The following PRKD1 variants were observed in gnomAD, a reference collection of about 807,000 sequenced individuals.
PRKD1 encodes serine/threonine-protein kinase D1.
In PRKD1, 63 loss-of-function variants were observed where a neutral mutation model predicts 95.9. That is an observed-to-expected ratio of 0.66 (90% CI 0.54 to 0.81). PRKD1 has a LOEUF of 0.81. Ranked by LOEUF, PRKD1 falls within the 30% of genes least tolerant of loss-of-function variation. PRKD1 has a pLI of 0.00. For missense variants in PRKD1, 1,048 were observed against 1,165.3 expected (o/e 0.90, Z 1.47); for synonymous variants, 425 against 423.1 (o/e 1.00, Z -0.05).
chr14:29,775,910 G>A (rs899800348), intron 1 of PRKD1, among the ~76,000 whole-genome samples: 1 of 152,238 alleles, frequency 6.6e-6, no homozygotes, highest in East Asian at 1.9e-4. Context: ...GGGGCCGACT[G>A]ACACCTCACA....
chr14:29,828,168 T>A (rs1235934135), intron 1 of PRKD1, among the ~76,000 whole-genome samples: 1 of 152,132 alleles, frequency 6.6e-6, no homozygotes, highest in South Asian at 2.1e-4. Context: ...CTTGAGTAAT[T>A]TATAAAGAAA....
At chr14:29,882,842 G>C (rs1422343502) in intron 1 of PRKD1, among the ~76,000 whole-genome samples, 1 of 148,602 alleles carries the variant, frequency 6.7e-6, no homozygotes, top group Admixed American at 6.7e-5. Flanking sequence ...TCTTTTTTAA[G>C]GTTGAACAAT....
At chr14:29,852,003 T>C (rs902423547) in intron 1 of PRKD1, among the ~76,000 whole-genome samples, 7 of 152,162 alleles carry the variant, frequency 4.6e-5, no homozygotes, top group Admixed American at 4.6e-4. Flanking sequence ...TACTTCATGT[T>C]CTCACTTACA....
At chr14:29,585,157 T>A (rs1001974988) in intron 16 of PRKD1, among the ~76,000 whole-genome samples, 1 of 152,090 alleles carries the variant, frequency 6.6e-6, no homozygotes, top group Non-Finnish European at 1.5e-5. Flanking sequence ...TGGGAAGTTG[T>A]GTGTTTATTT....
At chr14:29,697,571 T>C (rs1884596418) in intron 2 of PRKD1, among the ~76,000 whole-genome samples, 2 of 152,230 alleles carry the variant, frequency 1.3e-5, no homozygotes, top group South Asian at 4.1e-4. Flanking sequence ...GTTAACCCAT[T>C]GCAAACATCT....
rs541614941 is a variant in PRKD1 at position 29,673,368 on chromosome 14, C to T, written c.404-7160G>A. ...CCAGCCATTTCTAAGAATGCGTCAC[C>T]GTCTTTCACGTCAATCCCTCCTTCT... On this transcript the variant is annotated intron_variant, in intron 2 of 17. Transcript: ENST00000331968. 3.1e-4 allele frequency among the ~76,000 whole-genome samples: 47 copies of T among 152,298 alleles called. No homozygotes were observed. The East Asian group carries it at 7.3e-3, about 24-fold the overall frequency.
Position 29,671,098 on chromosome 14 carries a change from G to T in PRKD1, c.404-4890C>A, listed in dbSNP as rs927460782. Reference sequence around the variant, plus strand: ...AGAGAAAAAAAAATGTATTTAGATAGGTTGACTAGGCAGCTCAGAAGTTTC... The same window carrying T: ...AGAGAAAAAAAAATGTATTTAGATATGTTGACTAGGCAGCTCAGAAGTTTC... On this transcript the variant is annotated intron_variant, in intron 2 of 17. Coordinates refer to ENST00000331968, the MANE Select transcript of PRKD1 (RefSeq NM_002742.3). Among the ~76,000 whole-genome samples the T allele has an allele frequency of 8.5e-5, 13 of 152,196 alleles. No homozygotes were observed. In the East Asian group the frequency reaches 2.3e-3, roughly 27 times the overall value.
intron 2 of PRKD1, among the ~76,000 whole-genome samples, chr14:29,718,799 G>A (rs1885746558): frequency 6.6e-6 from 1 of 152,082 alleles, no homozygotes; most frequent in South Asian, 2.1e-4. Flanking sequence ...AGTAGTAGTA[G>A]GGCTGAGAAG....
intron 1 of PRKD1, among the ~76,000 whole-genome samples, chr14:29,833,598 A>G (rs527476167): frequency 5.9e-5 from 9 of 152,200 alleles, no homozygotes; most frequent in African/African-American, 1.9e-4. Context: ...ACAGGTATTT[A>G]TTGTTTCTTC....
At position 29,597,474 on chromosome 14, in the gene PRKD1, T is replaced by G; in HGVS notation, c.2434+17A>C. On this transcript the variant is annotated intron_variant, in intron 16 of 17. Coordinates refer to ENST00000331968, the MANE Select transcript of PRKD1 (RefSeq NM_002742.3). ...ATAAGGATTAGATTATTATCATTTT[T>G]GAATGGAAGATATTACCTTCATGAG... 6.4e-7 allele frequency: 1 copy of G among 1,556,564 alleles called. No individual in the cohort carries two copies. Among genetic ancestry groups the G allele is most frequent in the Non-Finnish European group, 8.8e-7 (1 of 1,142,598 alleles).
chr14:29,927,634 CTT>C lies in PRKD1; in HGVS notation c.-124_-123del. On this transcript the variant is annotated 5_prime_UTR_variant, in exon 1 of 18. Transcript: ENST00000331968. The stretch of plus-strand genomic sequence containing the variant: ...CGAGAGCCCAGACGGAAAATAAAAA[CTT>C]TCCGGAAAAGTCCCTGGGCTGGGGG... 2 of 819,462 alleles carry C rather than the reference CTT, an allele frequency of 2.4e-6. No homozygotes were observed. The highest frequency in any genetic ancestry group is 3.0e-6 in the Non-Finnish European group (2 of 665,642). The allele number at this position is 819,462 out of a possible 1,614,324, so 50.8% of individuals were successfully genotyped here.
chr14:29,685,263 T>G (rs1883792106), intron 2 of PRKD1, among the ~76,000 whole-genome samples: 1 of 152,212 alleles, frequency 6.6e-6, no homozygotes, highest in African/African-American at 2.4e-5. Flanking sequence ...TTCCCCTGCA[T>G]TGAGTGCTTG....
intron 4 of PRKD1, among the ~76,000 whole-genome samples, chr14:29,659,701 C>A (rs1034781819): frequency 2.6e-5 from 4 of 152,188 alleles, no homozygotes; most frequent in African/African-American, 9.6e-5. Context: ...CTTAACTTTA[C>A]AGTCCTTGAT....
chr14:29,813,600 A>G (rs1416749473), intron 1 of PRKD1, among the ~76,000 whole-genome samples: 1 of 152,162 alleles, frequency 6.6e-6, no homozygotes, highest in Non-Finnish European at 1.5e-5. Context: ...ACACTACCCA[A>G]AGAGCACCTA....
At chr14:29,890,423 A>C (rs1421518713) in intron 1 of PRKD1, among the ~76,000 whole-genome samples, 1 of 152,170 alleles carries the variant, frequency 6.6e-6, no homozygotes, top group African/African-American at 2.4e-5. Flanking sequence ...CTATAAAACA[A>C]ATGTTCTGGG....
At chr14:29,886,668 T>C (rs1893717737) in intron 1 of PRKD1, among the ~76,000 whole-genome samples, 1 of 152,208 alleles carries the variant, frequency 6.6e-6, no homozygotes, top group African/African-American at 2.4e-5. Flanking sequence ...TTTCAGCCAA[T>C]TCTCTTAATA....
chr14:29,832,302 G>A (rs1045411009), intron 1 of PRKD1, among the ~76,000 whole-genome samples: 2 of 152,036 alleles, frequency 1.3e-5, no homozygotes, highest in African/African-American at 2.4e-5. Context: ...CTTATTTTAC[G>A]CATTTCCCTG....
chr14:29,908,220 C>A (rs1894562377), intron 1 of PRKD1, among the ~76,000 whole-genome samples: 1 of 148,774 alleles, frequency 6.7e-6, no homozygotes, highest in Admixed American at 6.7e-5. Context: ...GAAATAAAAA[C>A]AACAATTTAA....
chr14:29,729,570 CA>C, intron 1 of PRKD1, among the ~76,000 whole-genome samples: 1 of 151,924 alleles, frequency 6.6e-6, no homozygotes, highest in Non-Finnish European at 1.5e-5. Context: ...ACAAACTTGT[CA>C]ATTTTATCAA....
Sources: gnomAD v4.1 joint callset for allele counts (sites outside exome capture counted in the v4.1 genomes callset) on GRCh38, gnomAD v4.1.1 for gene constraint, MANE v1.5 for transcripts, NCBI Gene and HGNC (gene_info 2026-07-23, HGNC 2026-07-21) for gene names.